The following SYNE2 variants were observed in gnomAD, a reference collection of about 807,000 sequenced individuals.
SYNE2 encodes spectrin repeat containing nuclear envelope protein 2, also known as nesprin-2.
A neutral mutation model predicts 856.3 loss-of-function variants in SYNE2; 431 were observed. The ratio of observed to expected loss-of-function variants is 0.50; its 90% CI spans 0.47 to 0.55. The LOEUF is 0.55. SYNE2 is among the 20% of genes least tolerant of loss of function. The pLI is 0.00. For synonymous variants in SYNE2, 2,923 were observed against 2,872.3 expected, an observed-to-expected ratio of 1.02 and a Z score of -0.56; for missense variants, 8,129 against 8,023.2, an observed-to-expected ratio of 1.01 and a Z score of -0.50.
chr14:63,920,241 G>C (rs149618950), intron 2 of SYNE2, among the ~76,000 whole-genome samples: 2 of 151,960 alleles, frequency 1.3e-5, no homozygotes, highest in East Asian at 3.9e-4. Context: ...TGTGCTCCAA[G>C]TGAGGCAAGA....
intron 90 of SYNE2, chr14:64,166,759 C>G (rs1031778205): frequency 3.2e-5 from 7 of 221,080 alleles, no homozygotes; most frequent in Non-Finnish European, 5.4e-5. Context: ...AGCTGGCCAA[C>G]ATGGTGAAAC....
At chr14:63,771,402 C>T (rs569009871) in intron 1 of SYNE2, among the ~76,000 whole-genome samples, 33 of 152,052 alleles carry the variant, frequency 2.2e-4, no homozygotes, top group Non-Finnish European at 3.7e-4. Flanking sequence ...TGAAATTTTG[C>T]TAATGACTTT....
chr14:64,167,525 G>A lies in SYNE2; in HGVS notation c.16791G>A (p.Lys5597=), dbSNP rs2153723202. 4 of 1,614,214 alleles carry A rather than the reference G, an allele frequency of 2.5e-6. No homozygotes were observed. The highest frequency in any genetic ancestry group is 3.4e-6 in the Non-Finnish European group (4 of 1,180,036). The change falls in exon 92 of 116, where the codon AAG becomes AAA. Residue 5597 remains lysine, a synonymous_variant. Transcript: ENST00000555002. ...TTCAGGGAATTGGATTGAATGAAAA[G>A]TTTCTTTATTGCTGTGAAAAGTGGA... ...SELQGIGLNE[K]FLYCCEKWIQ...
chr14:63,962,029 T>C (rs2096323263), intron 9 of SYNE2, among the ~76,000 whole-genome samples: 1 of 151,602 alleles, frequency 6.6e-6, no homozygotes. Context: ...TAATATTCTA[T>C]TTTTTATTTT....
chr14:64,000,965 A>C (rs1054780844), intron 28 of SYNE2, among the ~76,000 whole-genome samples: 1 of 152,222 alleles, frequency 6.6e-6, no homozygotes, highest in Non-Finnish European at 1.5e-5. Flanking sequence ...AAGGTCTGCC[A>C]AAGTTCAGAG....
chr14:64,211,717 G>A (rs974224036), intron 103 of SYNE2, among the ~76,000 whole-genome samples: 6 of 152,100 alleles, frequency 3.9e-5, no homozygotes, highest in Non-Finnish European at 7.4e-5. Context: ...CTCTCTCCCC[G>A]ACTTGCCAGC....
chr14:64,150,418 G>A lies in SYNE2; in HGVS notation c.15640-2146G>A, dbSNP rs116501994. Among the ~76,000 whole-genome samples, 926 of 148,570 alleles carry A rather than the reference G, an allele frequency of 6.2e-3. 14 individuals carry two copies. The highest frequency in any genetic ancestry group is 0.022 in the African/African-American group (884 of 40,534). On this transcript the variant is annotated intron_variant, in intron 84 of 115. Transcript: ENST00000555002. ...TATTTTTTTGTAACGGCAGAGTTTT[G>A]TCATGTTTCCCAGGCTGGTGTCAAA...
intron 33 of SYNE2, among the ~76,000 whole-genome samples, 187 bp downstream of exon 33, chr14:64,016,818 A>C (rs916685270): frequency 6.6e-6 from 1 of 152,222 alleles, no homozygotes; most frequent in Non-Finnish European, 1.5e-5. Flanking sequence ...CATCTTGTAC[A>C]TATAGAAATA....
In SYNE2 at chr14:64,163,430, A is replaced by G; in HGVS notation, c.16328A>G (p.Lys5443Arg). ...KELQHDVQKT[K>R]EAFLQNSSVL... ...CTGCAGCATGATGTGCAGAAAACAAAAGAAGCCTTTCTCCAAAATTCCAGT... is the reference window on the plus strand; with the variant it reads ...CTGCAGCATGATGTGCAGAAAACAAGAGAAGCCTTTCTCCAAAATTCCAGT... The change falls in exon 89 of 116, where the codon AAA becomes AGA. Residue 5443 changes from lysine to arginine, a missense_variant. By Grantham distance (26) the Lys-to-Arg change is conservative. Coordinates refer to ENST00000555002, the MANE Select transcript of SYNE2 (RefSeq NM_182914.3). 1 of 1,614,014 alleles carries G rather than the reference A, an allele frequency of 6.2e-7. No individual in the cohort carries two copies. Among genetic ancestry groups the G allele is most frequent in the South Asian group, 1.1e-5 (1 of 91,082 alleles).
chr14:64,215,478 T>C (rs1450180154), intron 107 of SYNE2, 124 bp downstream of exon 107: 3 of 964,016 alleles, frequency 3.1e-6, no homozygotes, highest in Non-Finnish European at 5.0e-6. Context: ...TTGGTCCTTG[T>C]GTCATGGTGT....
Position 64,146,124 on chromosome 14 carries a change from G to C in SYNE2, c.15540G>C (p.Gln5180His), listed in dbSNP as rs2098184681. The C allele has an allele frequency of 6.2e-7, 1 of 1,607,108 alleles. No homozygotes were observed. Among genetic ancestry groups the C allele is most frequent in the African/African-American group, 1.3e-5 (1 of 74,528 alleles). ...TCACTGAGAGTGAAAATAAAATACA[G>C]ATCTTGAACAACTGGCTGGAAGCAC... is the stretch of plus-strand genomic sequence containing the variant. ...ESITESENKI[Q>H]ILNNWLEAQE... Residue 5180 changes from glutamine (Q) to histidine (H), a missense_variant, in exon 84 of 116, where the codon CAG (glutamine) becomes CAC (histidine). Coordinates refer to ENST00000555002, the MANE Select transcript of SYNE2 (RefSeq NM_182914.3).
At position 64,225,437 on chromosome 14, in the gene SYNE2, G is replaced by A. The variant is rs371152824; in HGVS notation, c.20635G>A (p.Glu6879Lys). ...CCTGGCCTGCCTGCTGCCCTCCTCC[G>A]AAGAAGACTACAGCTGCACTCAGGC... The part of the protein sequence containing the change: ...LLLACLLPSS[E>K]EDYSCTQANN... Residue 6879 changes from glutamate to lysine, a missense_variant, in exon 116 of 116, where the codon GAA becomes AAA. This residue lies in a region of SYNE2 where 5,410 missense variants were observed against 5,284.8 expected (regional missense o/e 1.02). Transcript: ENST00000555002. 1.3e-4 allele frequency: 206 copies of A among 1,613,050 alleles called. No homozygotes were observed. Among genetic ancestry groups the A allele is most frequent in the East Asian group, 4.0e-4 (18 of 44,880 alleles).
Position 64,186,290 on chromosome 14 carries a change from C to A in SYNE2, c.17557-134C>A, listed in dbSNP as rs1293198358. 3 of 1,157,448 alleles carry A rather than the reference C, an allele frequency of 2.6e-6. No individual in the cohort carries two copies. The African/African-American group carries it at 4.6e-5, about 18-fold the overall frequency. The allele number at this position is 1,157,448 out of a possible 1,614,324, so 71.7% of individuals were successfully genotyped here. On this transcript the variant is annotated intron_variant, in intron 96 of 115. Transcript: ENST00000555002. ...TGCAGGCGCTCGTCTTGGGCTGTTT[C>A]CCATTCAGAAGGTCCCTCCCTCTCT...
intron 84 of SYNE2, 55 bp downstream of exon 84, chr14:64,146,278 C>T: frequency 6.7e-7 from 1 of 1,496,406 alleles, no homozygotes; most frequent in African/African-American, 1.4e-5. Context: ...ATTCGGTCAC[C>T]TCTCTTGCCC....
chr14:63,849,203 G>A (rs1160505026), upstream of SYNE2, among the ~76,000 whole-genome samples: 2 of 150,782 alleles, frequency 1.3e-5, no homozygotes, highest in Non-Finnish European at 2.9e-5. Context: ...TGTAGCCAAA[G>A]ATTGTTCCTT....
At chr14:63,763,216 C>T (rs1352017461) in intron 1 of SYNE2, among the ~76,000 whole-genome samples, 1 of 152,040 alleles carries the variant, frequency 6.6e-6, no homozygotes, top group Non-Finnish European at 1.5e-5. Flanking sequence ...GATCCGCCTG[C>T]CTCGGCCTCC....
At chr14:64,059,678 T>G (rs2097301081) in intron 49 of SYNE2, among the ~76,000 whole-genome samples, 2 of 152,254 alleles carry the variant, frequency 1.3e-5, no homozygotes, top group African/African-American at 2.4e-5. Context: ...AGTATCTGGC[T>G]ATTGCCTACG....
Position 64,002,837 on chromosome 14 carries a change from C to T in SYNE2, c.3904C>T (p.Leu1302=). The T allele has an allele frequency of 1.2e-6, 2 of 1,614,108 alleles. No homozygotes were observed. The highest frequency in any genetic ancestry group is 1.7e-6 in the Non-Finnish European group (2 of 1,180,030). ...FDLHAMQNII[L]KYKTQFEGMN... ...TCTACACGCAATGCAGAATATTATA[C>T]TGAAATACAAAACACAATTTGAAGG... Residue 1302 remains leucine (L), a synonymous_variant, in exon 30 of 116, where the codon CTG becomes TTG. Transcript: ENST00000555002.
chr14:63,853,796 G>T (rs1335016649), intron 1 of SYNE2, among the ~76,000 whole-genome samples: 1 of 152,120 alleles, frequency 6.6e-6, no homozygotes, highest in Non-Finnish European at 1.5e-5. Flanking sequence ...GCGGGGGGGC[G>T]CTCCGACGGC....
Sources: gnomAD v4.1 joint callset for allele counts (sites outside exome capture counted in the v4.1 genomes callset) on GRCh38, gnomAD v4.1.1 for gene constraint, gnomAD v4.1.1 regional missense constraint, MANE v1.5 for transcripts, NCBI Gene and HGNC (gene_info 2026-07-23, HGNC 2026-07-21) for gene names.